MMP26: variants seen among roughly 807,000 people sequenced by gnomAD.
MMP26 encodes the protein matrix metalloproteinase-26.
In MMP26, 33 loss-of-function variants were observed where a neutral mutation model predicts 31.0. That is an observed-to-expected ratio of 1.06 (90% CI 0.81 to 1.42). The LOEUF (loss-of-function observed/expected upper bound fraction) is 1.42, where lower values mean the gene tolerates loss of function less well. MMP26 is among the 40% of genes most tolerant of loss of function. The pLI is 0.00. For synonymous variants in MMP26, 122 were observed against 114.9 expected, an observed-to-expected ratio of 1.06 and a Z score of -0.40; for missense variants, 347 against 316.1, an observed-to-expected ratio of 1.10 and a Z score of -0.74.
At chr11:4,740,359 G>GA (rs1343164886) in intron 1 of MMP26, among the ~76,000 whole-genome samples, 1 of 152,066 alleles carries the variant, frequency 6.6e-6, no homozygotes, top group Non-Finnish European at 1.5e-5. Flanking sequence ...GTCATAGGCA[G>GA]AAAAGTCACA....
intron 2 of MMP26, chr11:4,882,067 A>T: frequency 6.2e-7 from 1 of 1,613,518 alleles, no homozygotes; most frequent in African/African-American, 1.3e-5. Flanking sequence ...CTAAGCGGAG[A>T]CTCCACAAAC....
chr11:4,924,107 G>A lies in MMP26; in HGVS notation c.-144-63961G>A, dbSNP rs765114852. On this transcript the variant is annotated intron_variant, in intron 2 of 7. Coordinates refer to ENST00000380390, the MANE Select transcript of MMP26 (RefSeq NM_021801.5). ...AATGCCCAGCACAGTGGGCAGTGTG[G>A]AAAGGCAAAGGCCTAAGTCTGTGAC... 6 of 1,614,144 alleles carry A rather than the reference G, an allele frequency of 3.7e-6. No homozygotes were observed. Among genetic ancestry groups the A allele is most frequent in the Non-Finnish European group, 5.1e-6 (6 of 1,180,032 alleles).
intron 2 of MMP26, among the ~76,000 whole-genome samples, chr11:4,939,458 G>C (rs1225072011): frequency 6.6e-6 from 1 of 151,990 alleles, no homozygotes; most frequent in Non-Finnish European, 1.5e-5. Flanking sequence ...CAGTTCCTCG[G>C]CTGTTTTCCT....
chr11:4,840,797 C>G (rs898001988), intron 2 of MMP26, among the ~76,000 whole-genome samples: 1 of 152,116 alleles, frequency 6.6e-6, no homozygotes, highest in African/African-American at 2.4e-5. Flanking sequence ...AAAACATGAC[C>G]TCACCAAATA....
intron 2 of MMP26, chr11:4,769,873 C>G (rs1247860380): frequency 1.9e-6 from 3 of 1,613,182 alleles, no homozygotes. Flanking sequence ...TGCCGGTCAA[C>G]AAGAAGGTTG....
intron 2 of MMP26, among the ~76,000 whole-genome samples, chr11:4,898,939 A>T (rs1394066515): frequency 6.6e-6 from 1 of 151,888 alleles, no homozygotes; most frequent in African/African-American, 2.4e-5. Flanking sequence ...AGATAATTTG[A>T]CAGTCAAGGC....
intron 2 of MMP26, among the ~76,000 whole-genome samples, chr11:4,909,707 C>T (rs1270766095): frequency 6.6e-6 from 1 of 152,088 alleles, no homozygotes; most frequent in Non-Finnish European, 1.5e-5. Context: ...TTAAAACTTC[C>T]CCTGGGTTCT....
intron 2 of MMP26, among the ~76,000 whole-genome samples, chr11:4,983,766 C>T (rs1430301585): frequency 6.6e-6 from 1 of 152,166 alleles, no homozygotes; most frequent in Non-Finnish European, 1.5e-5. Flanking sequence ...TTGCCAATAT[C>T]TTCTGCCTCA....
intron 2 of MMP26, among the ~76,000 whole-genome samples, chr11:4,844,311 T>C (rs1024560858): frequency 1.3e-5 from 2 of 152,154 alleles, no homozygotes; most frequent in Non-Finnish European, 2.9e-5. Flanking sequence ...TGGGATACGA[T>C]GGATTCACTG....
intron 2 of MMP26, among the ~76,000 whole-genome samples, chr11:4,873,833 C>T (rs1236435458): frequency 2.0e-5 from 3 of 151,988 alleles, no homozygotes; most frequent in South Asian, 2.1e-4. Context: ...AGGAATTAAG[C>T]GCAGTGATTA....
At chr11:4,930,900 C>A (rs1160447118) in intron 2 of MMP26, among the ~76,000 whole-genome samples, 2 of 151,724 alleles carry the variant, frequency 1.3e-5, no homozygotes, top group Non-Finnish European at 2.9e-5. Flanking sequence ...GCGTTGTTCT[C>A]AAATGTGTCT....
intron 2 of MMP26, chr11:4,804,054 G>A: frequency 6.2e-7 from 1 of 1,614,030 alleles, no homozygotes; most frequent in South Asian, 1.1e-5. Flanking sequence ...CAGAAGAAAA[G>A]GCATGGATGA....
rs200520981 is a variant in MMP26, at chr11:4,943,399, C to T, written c.-144-44669C>T. 1.6e-3 allele frequency: 687 copies of T among 440,528 alleles called. 1 individual carries two copies. The highest frequency in any genetic ancestry group is 2.9e-3 in the Middle Eastern group (7 of 2,414). 27.3% of individuals were successfully genotyped at this position (440,528 alleles called of 1,614,324 possible). On this transcript the variant is annotated intron_variant, in intron 2 of 7. Coordinates refer to ENST00000380390, the MANE Select transcript of MMP26 (RefSeq NM_021801.5). ...GGAACTTCTCTGGTATCAGATTGCC[C>T]CTAGGTGCTGTGTAGGTGAGCTCAA...
intron 2 of MMP26, among the ~76,000 whole-genome samples, chr11:4,813,874 A>T (rs574472487): frequency 5.0e-4 from 76 of 152,178 alleles, no homozygotes; most frequent in Non-Finnish European, 9.6e-4. Flanking sequence ...TGAAAAGTCA[A>T]GTCACAGAGA....
At chr11:4,819,232 C>T (rs1321149556) in intron 2 of MMP26, among the ~76,000 whole-genome samples, 1 of 152,056 alleles carries the variant, frequency 6.6e-6, no homozygotes, top group Non-Finnish European at 1.5e-5. Context: ...AACCTAAACA[C>T]CAAAACTGGT....
At chr11:4,866,551 A>G (rs977765484) in intron 2 of MMP26, among the ~76,000 whole-genome samples, 46 of 152,184 alleles carry the variant, frequency 3.0e-4, no homozygotes, top group Middle Eastern at 3.2e-3. Context: ...TTAAAGTAGT[A>G]TTGGCATTCT....
At chr11:4,810,180 G>T (rs1564915248) in intron 2 of MMP26, among the ~76,000 whole-genome samples, 1 of 151,650 alleles carries the variant, frequency 6.6e-6, no homozygotes, top group Non-Finnish European at 1.5e-5. Flanking sequence ...GAATGCTTGT[G>T]CAAAAAAGGT....
chr11:4,714,952 A>G (rs11827421), intron 1 of MMP26, among the ~76,000 whole-genome samples: 135 of 151,782 alleles, frequency 8.9e-4, no homozygotes, highest in African/African-American at 3.2e-3. Flanking sequence ...ACACACACAC[A>G]CACACATTAC....
rs1199480850 is a variant in MMP26, at chr11:4,992,051, C to T, written c.683C>T (p.Pro228Leu). 3 of 1,613,988 alleles carry T rather than the reference C, an allele frequency of 1.9e-6. No individual in the cohort carries two copies. Among genetic ancestry groups the T allele is most frequent in the Admixed American group, 3.3e-5 (2 of 60,000 alleles). Residue 228 changes from proline (P) to leucine (L), a missense_variant, in exon 7 of 8, where the codon CCC (proline) becomes CTC (leucine). By Grantham distance (98) the Pro-to-Leu change is moderately conservative (BLOSUM62 -3). Transcript: ENST00000380390. ...GGGAATCAGAGCTCCATAATGTACC[C>T]CACTTACTGGTATCACGACCCTAGA... ...HSGNQSSIMY[P>L]TYWYHDPRTF...
Sources: allele counts gnomAD v4.1 joint callset (sites outside exome capture counted in the v4.1 genomes callset), GRCh38; gene constraint gnomAD v4.1.1; transcripts MANE v1.5; gene names NCBI Gene and HGNC (gene_info 2026-07-23, HGNC 2026-07-21).